The following TOP3B variants were observed in gnomAD, a reference collection of about 807,000 sequenced individuals.
TOP3B encodes the protein DNA topoisomerase III beta, also known as DNA topoisomerase 3-beta-1.
A neutral mutation model predicts 93.9 loss-of-function variants in TOP3B; 45 were observed. The observed-to-expected ratio is 0.48, with a 90% CI of 0.38 to 0.61. The LOEUF (loss-of-function observed/expected upper bound fraction) is 0.61, where lower values mean the gene tolerates loss of function less well. Among genes scored for constraint, TOP3B ranks in the 20% least tolerant of loss-of-function variants. TOP3B has a pLI of 0.00. For missense variants in TOP3B, 750 were observed against 1,156.1 expected, an observed-to-expected ratio of 0.65 and a Z score of 5.09; for synonymous variants, 357 against 472.6, an observed-to-expected ratio of 0.76 and a Z score of 3.17.
At chr22:21,974,603 G>A (rs1285129550) in intron 2 of TOP3B, 115 bp from the exon 3 acceptor site, 1 of 1,219,166 alleles carries the variant, frequency 8.2e-7, no homozygotes, top group Non-Finnish European at 1.1e-6. Context: ...CCCCAGAGTG[G>A]TGAGTGACGA....
intron 4 of TOP3B, 115 bp from the exon 5 acceptor site, chr22:21,972,066 G>T: frequency 1.2e-6 from 1 of 821,362 alleles, no homozygotes. Context: ...TCAGTTAGGA[G>T]GACTGGTACC....
chr22:21,959,918 C>CCTG, intron 14 of TOP3B, 182 bp from the exon 15 acceptor site: 1 of 805,938 alleles, frequency 1.2e-6, no homozygotes, highest in South Asian at 1.8e-5. Context: ...GACCCCAGAC[C>CCTG]TTTCCTGATT....
At position 21,959,200 on chromosome 22, in the gene TOP3B, G is replaced by A; in HGVS notation, c.1837C>T (p.Pro613Ser). Residue 613 changes from proline to serine, a missense_variant, in exon 16 of 18, where the codon CCC (proline) becomes TCC (serine). By Grantham distance (74) the Pro-to-Ser change is moderately conservative (BLOSUM62 -1). Transcript: ENST00000357179. ...AGGGGCTTGCCTGTGGCCGCCAGGG[G>A]CGAGAAAGACACCTCCATCAACTCA... ...MDELMEVSFS[P>S]LAATGKPLSR... 1 of 1,613,490 alleles carries A rather than the reference G, an allele frequency of 6.2e-7. No individual in the cohort carries two copies.
chr22:21,959,152 G>A lies in TOP3B; in HGVS notation c.1885C>T (p.Arg629Cys), dbSNP rs1486667312. The change falls in exon 16 of 18, where the codon CGC (arginine) becomes TGC (cysteine). Residue 629 changes from arginine (R) to cysteine (C), a missense_variant. Physicochemically the swap from Arg to Cys is radical, Grantham distance 180. Transcript: ENST00000357179. Reference protein sequence around the residue: ...KPLSRCGKCHRFMKYIQAKPS... With the variant: ...KPLSRCGKCHCFMKYIQAKPS... Reference sequence around the variant, plus strand: ...CCTACCTGGATGTACTTCATGAAGCGGTGGCACTTCCCACAGCGTGAGAGG... The same window carrying A: ...CCTACCTGGATGTACTTCATGAAGCAGTGGCACTTCCCACAGCGTGAGAGG... 6.2e-6 allele frequency: 10 copies of A among 1,613,712 alleles called. No homozygotes were observed. The highest frequency in any genetic ancestry group is 2.7e-5 in the African/African-American group (2 of 74,926).
At chr22:21,959,818 C>T in intron 14 of TOP3B, 82 bp from the exon 15 acceptor site, 1 of 1,545,022 alleles carries the variant, frequency 6.5e-7, no homozygotes, top group Non-Finnish European at 8.7e-7. Context: ...GGGATACTGC[C>T]CTGTTCACCC....
chr22:21,958,952 C>A, intron 16 of TOP3B, 180 bp downstream of exon 16: 1 of 1,080,074 alleles, frequency 9.3e-7, no homozygotes, highest in Non-Finnish European at 1.3e-6. Flanking sequence ...TTTGCGTGGC[C>A]TAATGGCTGT....
At chr22:21,958,750 C>A in intron 16 of TOP3B, 57 bp from the exon 17 acceptor site, 1 of 1,516,446 alleles carries the variant, frequency 6.6e-7, no homozygotes, top group East Asian at 2.4e-5. Context: ...ACTTGGCACC[C>A]ACCCCCACTC....
In TOP3B at chr22:21,959,113, T is replaced by A. The variant is rs759717391; in HGVS notation, c.1905+19A>T. ...CAGGGGTGAGGCAGCTTGCCTGAGC[T>A]AGTGTTCCCTGCACCTACCTGGATG... is the stretch of plus-strand genomic sequence containing the variant. On this transcript the variant is annotated intron_variant, in intron 16 of 17. Coordinates refer to ENST00000357179, the MANE Select transcript of TOP3B (RefSeq NM_001282112.2). 6.2e-7 allele frequency: 1 copy of A among 1,612,966 alleles called. No homozygotes were observed. The highest frequency in any genetic ancestry group is 1.1e-5 in the South Asian group (1 of 91,072).
chr22:21,972,037 T>A, intron 4 of TOP3B, 86 bp from the exon 5 acceptor site: 1 of 1,242,750 alleles, frequency 8.0e-7, no homozygotes, highest in Non-Finnish European at 1.1e-6. Flanking sequence ...GGACAGGGCT[T>A]GGTCCCAGGC....
Position 21,958,512 on chromosome 22 carries a change from G to T in TOP3B, c.2087C>A (p.Pro696His). The T allele has an allele frequency of 6.2e-7, 1 of 1,614,072 alleles. No homozygotes were observed. The highest frequency in any genetic ancestry group is 8.5e-7 in the Non-Finnish European group (1 of 1,180,040). ...PLCPYCYNHP[P>H]FRDMKKGMGC... is the part of the protein sequence containing the mutation. Reference sequence around the variant, plus strand: ...CTCACCTTTCTTCATGTCTCGGAAGGGTGGGTGGTTGTAGCAGTAGGGGCA... The same window carrying T: ...CTCACCTTTCTTCATGTCTCGGAAGTGTGGGTGGTTGTAGCAGTAGGGGCA... The change falls in exon 17 of 18, where the codon CCC becomes CAC. Residue 696 changes from proline (P) to histidine (H), a missense_variant. This residue lies in a region of TOP3B where 737 missense variants were observed against 933.7 expected (regional missense o/e 0.79). Coordinates refer to ENST00000357179, the MANE Select transcript of TOP3B (RefSeq NM_001282112.2).
At chr22:21,972,265 A>G in intron 4 of TOP3B, 2 of 455,582 alleles carry the variant, frequency 4.4e-6, no homozygotes, top group East Asian at 7.3e-5. Flanking sequence ...CTTGGGTAAT[A>G]TGATTATGCA....
chr22:21,960,613 C>A (rs2071133790), intron 13 of TOP3B, 164 bp from the exon 14 acceptor site: 1 of 878,360 alleles, frequency 1.1e-6, no homozygotes, highest in African/African-American at 1.7e-5. Context: ...CTGTGCTGGG[C>A]ACCAACTGCA....
In TOP3B at chr22:21,964,144, G is replaced by C. The variant is rs371493183; in HGVS notation, c.1098+17C>G. On this transcript the variant is annotated intron_variant, in intron 10 of 17. Coordinates refer to ENST00000357179, the MANE Select transcript of TOP3B (RefSeq NM_001282112.2). ...AGTGACACACACACATGCTGAGGCC[G>C]GCCCGGCTCCACTCACCGTGTCGGC... 1.1e-5 allele frequency: 18 copies of C among 1,613,768 alleles called. No homozygotes were observed. In the African/African-American group the frequency reaches 2.0e-4, roughly 18 times the overall value.
In TOP3B at chr22:21,963,918, G is replaced by A. The variant is rs374082880; in HGVS notation, c.1204+5C>T. 31 of 1,613,170 alleles carry A rather than the reference G, an allele frequency of 1.9e-5. No homozygotes were observed. The highest frequency in any genetic ancestry group is 3.3e-5 in the South Asian group (3 of 91,056). Reference sequence around the variant, plus strand: ...AGCACACCGGGTATGGGATGAGAGCGGTACCTAATTCGGCCTCTGTGGCAG... The same window carrying A: ...AGCACACCGGGTATGGGATGAGAGCAGTACCTAATTCGGCCTCTGTGGCAG... On this transcript the variant is annotated splice_donor_5th_base_variant and intron_variant, in intron 11 of 17. Transcript: ENST00000357179. The surrounding 1 kb of genome is among the most constrained non-coding windows in gnomAD (Gnocchi z 4.8).
rs776736348 is a variant in TOP3B at position 21,958,678 on chromosome 22, G to A, written c.1921C>T (p.Leu641=). Residue 641 remains leucine (L), a synonymous_variant, in exon 17 of 18, where the codon CTG becomes TTG. Coordinates refer to ENST00000357179, the MANE Select transcript of TOP3B (RefSeq NM_001282112.2). ...MKYIQAKPSR[L]HCSHCDETYT... ...GTCTCATCGCAGTGGGAGCAGTGCAGGCGGCTTGGCTTGGCCTGCGGCAAT... is the reference window on the plus strand; with the variant it reads ...GTCTCATCGCAGTGGGAGCAGTGCAAGCGGCTTGGCTTGGCCTGCGGCAAT... The A allele has an allele frequency of 1.0e-5, 16 of 1,598,332 alleles. No individual in the cohort carries two copies. The highest frequency in any genetic ancestry group is 2.3e-5 in the East Asian group (1 of 44,368).
At chr22:21,969,208 T>A (rs2071534440) in intron 6 of TOP3B, 1 of 157,078 alleles carries the variant, frequency 6.4e-6, no homozygotes, top group Admixed American at 6.2e-5. Flanking sequence ...GATTCACAGA[T>A]CATTGCAGCC....
In TOP3B at chr22:21,964,451, T is replaced by C; in HGVS notation, c.944-136A>G. ...GACGGTGGCTCTGAGCAGGCACAGC[T>C]GGAGTGCAAAGCTGCTGGCCGGGTG... is the stretch of plus-strand genomic sequence containing the variant. On this transcript the variant is annotated intron_variant, in intron 9 of 17. Coordinates refer to ENST00000357179, the MANE Select transcript of TOP3B (RefSeq NM_001282112.2). 3 of 1,039,296 alleles carry C rather than the reference T, an allele frequency of 2.9e-6. No individual in the cohort carries two copies. In the East Asian group the frequency reaches 7.7e-5, roughly 27 times the overall value. 64.4% of individuals were successfully genotyped at this position (1,039,296 alleles called of 1,614,324 possible).
rs577570876 is a variant in TOP3B at position 21,964,124 on chromosome 22, C to T, written c.1098+37G>A. On this transcript the variant is annotated intron_variant, in intron 10 of 17. Coordinates refer to ENST00000357179, the MANE Select transcript of TOP3B (RefSeq NM_001282112.2). The stretch of plus-strand genomic sequence containing the variant: ...AGACCTGGTCCCAAGGCCTCAGTGA[C>T]ACACACACATGCTGAGGCCGGCCCG... 1.1e-5 allele frequency: 17 copies of T among 1,610,328 alleles called. No homozygotes were observed. The East Asian group carries it at 3.6e-4, about 34-fold the overall frequency.
intron 17 of TOP3B, chr22:21,958,193 C>A: frequency 7.7e-7 from 1 of 1,292,988 alleles, no homozygotes; most frequent in Non-Finnish European, 9.9e-7. Flanking sequence ...CGGGTGGGTC[C>A]CCCGACTGCT....
Sources: gnomAD v4.1 joint callset for allele counts on GRCh38, gnomAD v4.1.1 for gene constraint, gnomAD v4.1.1 regional missense constraint, Gnocchi (gnomAD v3.1) non-coding constraint, MANE v1.5 for transcripts, NCBI Gene and HGNC (gene_info 2026-07-23, HGNC 2026-07-21) for gene names.